TGFB1: variants seen among roughly 807,000 people sequenced by gnomAD.
The protein encoded by TGFB1 is transforming growth factor beta-1 proprotein.
A neutral mutation model predicts 43.8 loss-of-function variants in TGFB1; 19 were observed. That is an observed-to-expected ratio of 0.43 (90% confidence interval 0.30 to 0.64). The LOEUF (loss-of-function observed/expected upper bound fraction) is 0.64. TGFB1 is among the 30% of genes least tolerant of loss of function. The pLI is 0.11. For synonymous variants in TGFB1, 221 were observed against 236.3 expected (o/e 0.94, Z 0.60); for missense variants, 445 against 529.8 (o/e 0.84, Z 1.57).
At chr19:41,341,146 A>G (rs1053405552) in intron 5 of TGFB1, among the ~76,000 whole-genome samples, 2 of 152,056 alleles carry the variant, frequency 1.3e-5, no homozygotes, top group South Asian at 4.1e-4. Flanking sequence ...CCTGGCTAAC[A>G]TGGTGAAACC....
In TGFB1 at chr19:41,330,661, C is replaced by T; in HGVS notation, c.*391G>A. On this transcript the variant is annotated 3_prime_UTR_variant, in exon 7 of 7. Coordinates refer to ENST00000221930, the MANE Select transcript of TGFB1 (RefSeq NM_000660.7). ...CTTTAAAATGGGTGTTATCAGAGTC[C>T]CTGCATCTCAGAGTGTTGCTATGGT... 5.8e-6 allele frequency: 1 copy of T among 172,438 alleles called. No homozygotes were observed. Among genetic ancestry groups the T allele is most frequent in the Non-Finnish European group, 1.2e-5 (1 of 81,138 alleles). 10.7% of individuals were successfully genotyped at this position (172,438 alleles called of 1,614,324 possible). A position where few individuals can be genotyped will look rare whatever the true frequency, so the allele number is the denominator to read the frequency against.
At position 41,330,895 on chromosome 19, in the gene TGFB1, A is replaced by G. The variant is rs933310239; in HGVS notation, c.*157T>C. 38 of 606,486 alleles carry G rather than the reference A, an allele frequency of 6.3e-5. No individual in the cohort carries two copies. The highest frequency in any genetic ancestry group is 1.0e-4 in the Non-Finnish European group (37 of 369,908). The allele number at this position is 606,486 out of a possible 1,614,324, so 37.6% of individuals were successfully genotyped here. ...GATGGAGACCCCAGGCAGGCGCCCA[A>G]TGACACAGAGATCCGCAGTCCTCTC... On this transcript the variant is annotated 3_prime_UTR_variant, in exon 7 of 7. Transcript: ENST00000221930.
chr19:41,353,308 G>T lies in TGFB1; in HGVS notation c.-264C>A, dbSNP rs2038239524. 2.1e-6 allele frequency: 1 copy of T among 469,794 alleles called. No individual in the cohort carries two copies. The highest frequency in any genetic ancestry group is 2.1e-5 in the African/African-American group (1 of 48,582). 29.1% of individuals were successfully genotyped at this position (469,794 alleles called of 1,614,324 possible). On this transcript the variant is annotated 5_prime_UTR_variant, in exon 1 of 7. Coordinates refer to ENST00000221930, the MANE Select transcript of TGFB1 (RefSeq NM_000660.7). This position sits in a 1 kb window ranked among gnomAD's most constrained non-coding sequence, Gnocchi z 5.9. ...TTGAATAGGGGATCTGTGGCAGGTC[G>T]GAGAGAGATCCGTCTCCTGGAGGAG...
At chr19:41,348,550 T>C (rs1008812758) in intron 1 of TGFB1, 95 bp from the exon 2 acceptor site, 4 of 1,127,074 alleles carry the variant, frequency 3.5e-6, no homozygotes, top group Non-Finnish European at 5.3e-6. Context: ...CTGACAGCTC[T>C]GGGGTGGAGT....
In TGFB1 at chr19:41,352,999, G is replaced by C; in HGVS notation, c.46C>G (p.Leu16Val). ...CCAGGCGTCAGCACCAGTAGCCACA[G>C]CAGCGGTAGCAGCAGCGGCAGCAGC... ...LRLLPLLLPLLWLLVLTPGRP... is the reference protein window; with the variant it reads ...LRLLPLLLPLVWLLVLTPGRP... The change falls in exon 1 of 7, where the codon CTG (leucine) becomes GTG (valine). Residue 16 changes from leucine (L) to valine (V), a missense_variant. Coordinates refer to ENST00000221930, the MANE Select transcript of TGFB1 (RefSeq NM_000660.7). 1 of 1,536,314 alleles carries C rather than the reference G, an allele frequency of 6.5e-7. No individual in the cohort carries two copies.
At position 41,348,441 on chromosome 19, in the gene TGFB1, A is replaced by C. The variant is rs1007174550; in HGVS notation, c.370T>G (p.Phe124Val). ...VETHNEIYDKFKQSTHSIYMF... is the reference protein window; with the variant it reads ...VETHNEIYDKVKQSTHSIYMF... ...TATATGCTGTGTGTACTCTGCTTGA[A>C]CTTGTCATAGATTTCTAGCAGGGAG... The change falls in exon 2 of 7, where the codon TTC (phenylalanine) becomes GTC (valine). Residue 124 changes from phenylalanine to valine, a missense_variant. This residue lies in a region of TGFB1 where 366 missense variants were observed against 428.8 expected (regional missense o/e 0.85). Coordinates refer to ENST00000221930, the MANE Select transcript of TGFB1 (RefSeq NM_000660.7). The C allele has an allele frequency of 4.3e-6, 7 of 1,613,084 alleles. No homozygotes were observed. The highest frequency in any genetic ancestry group is 5.9e-6 in the Non-Finnish European group (7 of 1,179,564).
At chr19:41,339,780 C>T (rs79707377) in intron 5 of TGFB1, among the ~76,000 whole-genome samples, 20 of 151,434 alleles carry the variant, frequency 1.3e-4, no homozygotes, top group Non-Finnish European at 2.2e-4. Flanking sequence ...GCCGAGATCA[C>T]GCCACTGCAC....
At chr19:41,341,430 GCACTCCAGCC>G (rs2038053362) in intron 5 of TGFB1, among the ~76,000 whole-genome samples, 1 of 119,288 alleles carries the variant, frequency 8.4e-6, no homozygotes, top group Admixed American at 1.2e-4. Flanking sequence ...TAGCGCCACT[GCACTCCAGCC>G]CAGGTGACAG....
At position 41,339,409 on chromosome 19, in the gene TGFB1, G is replaced by A. The variant is rs370296879; in HGVS notation, c.860+2474C>T. 9.9e-5 allele frequency among the ~76,000 whole-genome samples: 15 copies of A among 150,822 alleles called. 1 individual carries two copies. Among genetic ancestry groups the A allele is most frequent in the African/African-American group, 3.6e-4 (15 of 41,222 alleles). ...GCTGGGATTACAGGCATGAGCCACC[G>A]CACCTGGCCTTCAGGTTTGATTTTT... On this transcript the variant is annotated intron_variant, in intron 5 of 6. Coordinates refer to ENST00000221930, the MANE Select transcript of TGFB1 (RefSeq NM_000660.7).
At position 41,353,368 on chromosome 19, in the gene TGFB1, G is replaced by C. The variant is rs201530894; in HGVS notation, c.-324C>G. On this transcript the variant is annotated 5_prime_UTR_variant, in exon 1 of 7. Transcript: ENST00000221930. The surrounding 1 kb of genome is among the most constrained non-coding windows in gnomAD (Gnocchi z 5.9). ...AGGATGCGCGGGGGCTCAGGAGACA[G>C]GCCGGGGATGAAGGCGGCGTGCAGG... The C allele has an allele frequency of 1.0e-5, 3 of 300,786 alleles. No homozygotes were observed. The highest frequency in any genetic ancestry group is 1.2e-5 in the Non-Finnish European group (2 of 161,852). 18.6% of individuals were successfully genotyped at this position (300,786 alleles called of 1,614,324 possible). A position where few individuals can be genotyped will look rare whatever the true frequency, so the allele number is the denominator to read the frequency against.
At chr19:41,352,417 G>A (rs979097530) in intron 1 of TGFB1, among the ~76,000 whole-genome samples, 1 of 148,298 alleles carries the variant, frequency 6.7e-6, no homozygotes, top group African/African-American at 2.5e-5. Flanking sequence ...TCCCTCTAGG[G>A]GACTGCCCCC....
At chr19:41,341,185 G>A (rs1177688527) in intron 5 of TGFB1, among the ~76,000 whole-genome samples, 1 of 151,604 alleles carries the variant, frequency 6.6e-6, no homozygotes, top group East Asian at 1.9e-4. Context: ...CAAAAAATTA[G>A]GCCGGGCGCG....
intron 2 of TGFB1, among the ~76,000 whole-genome samples, chr19:41,347,876 G>C (rs989096337): frequency 2.0e-5 from 3 of 148,934 alleles, no homozygotes; most frequent in Non-Finnish European, 4.4e-5. Context: ...GCTCACGCCT[G>C]TAATCTGAGC....
chr19:41,331,750 G>A (rs932085902), intron 6 of TGFB1, among the ~76,000 whole-genome samples: 2 of 151,002 alleles, frequency 1.3e-5, no homozygotes, highest in African/African-American at 2.4e-5. Context: ...CCTCATCTTC[G>A]CCTCTTGCCT....
At position 41,342,005 on chromosome 19, in the gene TGFB1, G is replaced by A; in HGVS notation, c.738C>T (p.Asp246=). 6.2e-7 allele frequency: 1 copy of A among 1,614,226 alleles called. No individual in the cohort carries two copies. Among genetic ancestry groups the A allele is most frequent in the Non-Finnish European group, 8.5e-7 (1 of 1,180,046 alleles). Reference sequence around the variant, plus strand: ...GGTTCATGCCATGAATGGTGGCCAGGTCACCTCGGCGGCCGGTAGTGAACC... The same window carrying A: ...GGTTCATGCCATGAATGGTGGCCAGATCACCTCGGCGGCCGGTAGTGAACC... ...INGFTTGRRG[D]LATIHGMNRP... is the part of the protein sequence containing the mutation. The change falls in exon 5 of 7, where the codon GAC becomes GAT. Residue 246 remains aspartate (D), a synonymous_variant. Transcript: ENST00000221930.
At chr19:41,343,632 C>T (rs2038083451) in intron 3 of TGFB1, among the ~76,000 whole-genome samples, 1 of 152,176 alleles carries the variant, frequency 6.6e-6, no homozygotes, top group Non-Finnish European at 1.5e-5. Context: ...GGTGCCTCCC[C>T]ATCCCATTCT....
Position 41,330,888 on chromosome 19 carries a change from G to A in TGFB1, c.*164C>T. The A allele has an allele frequency of 1.7e-6, 1 of 577,602 alleles. No individual in the cohort carries two copies. Among genetic ancestry groups the A allele is most frequent in the East Asian group, 3.3e-5 (1 of 29,936 alleles). The allele number at this position is 577,602 out of a possible 1,614,324, so 35.8% of individuals were successfully genotyped here. On this transcript the variant is annotated 3_prime_UTR_variant, in exon 7 of 7. Coordinates refer to ENST00000221930, the MANE Select transcript of TGFB1 (RefSeq NM_000660.7). ...CGTCAGGGATGGAGACCCCAGGCAG[G>A]CGCCCAATGACACAGAGATCCGCAG...
At chr19:41,348,913 C>T (rs945774463) in intron 1 of TGFB1, among the ~76,000 whole-genome samples, 10 of 152,032 alleles carry the variant, frequency 6.6e-5, no homozygotes, top group Admixed American at 1.3e-4. Context: ...TGAGCCACCA[C>T]GCCCAGCCCT....
chr19:41,336,386 CT>C (rs60810325), intron 5 of TGFB1, among the ~76,000 whole-genome samples: 21,441 of 134,332 alleles, frequency 0.16, 1,415 homozygotes, highest in East Asian at 0.27. Context: ...TCCACTATCT[CT>C]TTTTTTTTTT....
Sources: gnomAD v4.1 joint callset for allele counts (sites outside exome capture counted in the v4.1 genomes callset) on GRCh38, gnomAD v4.1.1 for gene constraint, gnomAD v4.1.1 regional missense constraint, Gnocchi (gnomAD v3.1) non-coding constraint, MANE v1.5 for transcripts, NCBI Gene and HGNC (gene_info 2026-07-23, HGNC 2026-07-21) for gene names.